ADCY5: variants seen among roughly 807,000 people sequenced by gnomAD.
ADCY5 encodes adenylate cyclase 5.
In ADCY5, 30 loss-of-function variants were observed where a neutral mutation model predicts 119.7. The ratio of observed to expected loss-of-function variants is 0.25; its 90% CI spans 0.19 to 0.34. The LOEUF (loss-of-function observed/expected upper bound fraction) is 0.34. Among genes scored for constraint, ADCY5 ranks in the 10% least tolerant of loss-of-function variants. The probability of loss-of-function intolerance (pLI) is 1.00; values close to 1 mark genes in which losing one functional copy is unlikely to be tolerated. For missense variants in ADCY5, 1,324 were observed against 1,775.2 expected (o/e 0.75, Z 4.57); for synonymous variants, 753 against 762.2 (o/e 0.99, Z 0.20).
chr3:123,331,745 T>G (rs1941773730), intron 4 of ADCY5, among the ~76,000 whole-genome samples: 1 of 150,172 alleles, frequency 6.7e-6, no homozygotes, highest in South Asian at 2.1e-4. Context: ...CAAGTGCCCT[T>G]GTGGCCTGGA....
intron 8 of ADCY5, among the ~76,000 whole-genome samples, chr3:123,323,227 G>A (rs1049731180): frequency 5.3e-5 from 8 of 151,762 alleles, no homozygotes; most frequent in African/African-American, 1.7e-4. Context: ...AGCGATGAAC[G>A]CTGTGGAGGA....
At chr3:123,287,576 G>A (rs1938863814) in intron 19 of ADCY5, among the ~76,000 whole-genome samples, 1 of 152,142 alleles carries the variant, frequency 6.6e-6, no homozygotes, top group Non-Finnish European at 1.5e-5. Context: ...TGTGTGAAGG[G>A]CAGGACTGAA....
intron 1 of ADCY5, chr3:123,367,944 C>G (rs192474617): frequency 2.7e-5 from 42 of 1,535,738 alleles, no homozygotes; most frequent in Admixed American, 1.4e-4. Flanking sequence ...CCATGTCTTC[C>G]GTGGGACAGG....
chr3:123,325,357 C>T lies in ADCY5; in HGVS notation c.2053G>A (p.Gly685Ser). ...GAERPFYNHL[G>S]GNQVSKEMKR... ...ATCTCCTTGGACACCTGGTTGCCAC[C>T]CAGGTGGTTGTAGAAGGGGCGCTCA... The change falls in exon 8 of 21, where the codon GGT becomes AGT. Residue 685 changes from glycine to serine, a missense_variant. By Grantham distance (56) the Gly-to-Ser change is moderately conservative. This residue lies in a region of ADCY5 where 424 missense variants were observed against 546.8 expected (regional missense o/e 0.78). Transcript: ENST00000462833. 1 of 1,614,114 alleles carries T rather than the reference C, an allele frequency of 6.2e-7. No individual in the cohort carries two copies.
chr3:123,380,263 T>C (rs2107555475), intron 1 of ADCY5, among the ~76,000 whole-genome samples: 1 of 152,296 alleles, frequency 6.6e-6, no homozygotes, highest in East Asian at 1.9e-4. Context: ...CCAGCTGTGG[T>C]GAACAGGCTT....
chr3:123,327,580 A>G, intron 7 of ADCY5, 38 bp downstream of exon 7: 1 of 1,591,778 alleles, frequency 6.3e-7, no homozygotes, highest in Non-Finnish European at 8.6e-7. Flanking sequence ...CCCTGGAGGA[A>G]GGGAGCCCCT....
chr3:123,425,733 A>G (rs117556120), intron 1 of ADCY5, among the ~76,000 whole-genome samples: 636 of 47,066 alleles, frequency 0.014, 4 homozygotes, highest in East Asian at 0.063. Context: ...CACTCACCCC[A>G]GGGAGCCCTG....
rs372095163 is a variant in ADCY5, at chr3:123,448,195, C to T, written c.351G>A (p.Arg117=). ...GGDDCGRGSR[R]QRRGAASGGS... is the part of the protein sequence containing the mutation. ...CCCCGCTGGCCGCGCCCCGCCGCTGCCGGCGGCTGCCGCGACCGCAGTCGT... is the reference window on the plus strand; with the variant it reads ...CCCCGCTGGCCGCGCCCCGCCGCTGTCGGCGGCTGCCGCGACCGCAGTCGT... The change falls in exon 1 of 21, where the codon CGG becomes CGA. Residue 117 remains arginine, a synonymous_variant. Transcript: ENST00000462833. 0.029 allele frequency: 36,459 copies of T among 1,235,926 alleles called. 617 individuals carry two copies. The highest frequency in any genetic ancestry group is 0.032 in the Non-Finnish European group (32,205 of 990,956). 76.6% of individuals were successfully genotyped at this position (1,235,926 alleles called of 1,614,324 possible).
At chr3:123,353,712 G>A (rs1220031999) in intron 1 of ADCY5, among the ~76,000 whole-genome samples, 1 of 152,166 alleles carries the variant, frequency 6.6e-6, no homozygotes, top group Non-Finnish European at 1.5e-5. Flanking sequence ...TCTTGCTGTG[G>A]GACGTCGGCT....
chr3:123,291,331 G>A lies in ADCY5; in HGVS notation c.3109C>T (p.Arg1037Trp), dbSNP rs375173379. Residue 1037 changes from arginine to tryptophan, a missense_variant, in exon 18 of 21, where the codon CGG (arginine) becomes TGG (tryptophan). Around this residue, in one of 6 missense-constraint regions of ADCY5, gnomAD observed 178 missense variants for 329.6 expected, o/e 0.54. Coordinates refer to ENST00000462833, the MANE Select transcript of ADCY5 (RefSeq NM_183357.3). ...EEMEELQAYN[R>W]RLLHNILPKD... is the part of the protein sequence containing the mutation. ...GGCAGGATGTTGTGCAGCAGCCGCCGGTTGTAGGCCTGCAGCTCCTCCATC... is the reference window on the plus strand; with the variant it reads ...GGCAGGATGTTGTGCAGCAGCCGCCAGTTGTAGGCCTGCAGCTCCTCCATC... 2.0e-5 allele frequency: 33 copies of A among 1,613,828 alleles called. No homozygotes were observed. Among genetic ancestry groups the A allele is most frequent in the African/African-American group, 8.0e-5 (6 of 74,940 alleles).
At chr3:123,399,660 G>A (rs1944701605) in intron 1 of ADCY5, among the ~76,000 whole-genome samples, 1 of 152,118 alleles carries the variant, frequency 6.6e-6, no homozygotes. Flanking sequence ...CTTGATGTCT[G>A]CTTCTTCGAT....
At chr3:123,327,255 A>G (rs1406104787) in intron 7 of ADCY5, among the ~76,000 whole-genome samples, 1 of 152,156 alleles carries the variant, frequency 6.6e-6, no homozygotes, top group Non-Finnish European at 1.5e-5. Flanking sequence ...TCAGAGAGAG[A>G]GAGATTAGGG....
intron 11 of ADCY5, among the ~76,000 whole-genome samples, chr3:123,314,526 T>G: frequency 6.6e-6 from 1 of 152,228 alleles, no homozygotes; most frequent in East Asian, 1.9e-4. Context: ...ACTGACTCCC[T>G]GAGTAGGGCT....
chr3:123,319,287 G>T (rs1417259520), intron 10 of ADCY5, among the ~76,000 whole-genome samples: 1 of 150,772 alleles, frequency 6.6e-6, no homozygotes, highest in African/African-American at 2.5e-5. Context: ...CTCGGGGGAG[G>T]AGGTTGCAGT....
At position 123,345,769 on chromosome 3, in the gene ADCY5, G is replaced by GACACACACACAC. The variant is rs56185421; in HGVS notation, c.1406+2001_1406+2012dup. On this transcript the variant is annotated intron_variant, in intron 3 of 20. Coordinates refer to ENST00000462833, the MANE Select transcript of ADCY5 (RefSeq NM_183357.3). Reference sequence around the variant, plus strand: ...AGACAGACAGACAGACAGACAGACAGACACACACACACACACACACACACA... The same window carrying GACACACACACAC: ...AGACAGACAGACAGACAGACAGACAGACACACACACACACACACACACACACACACACACACA... 8.6e-4 allele frequency among the ~76,000 whole-genome samples: 98 copies of GACACACACACAC among 113,822 alleles called. 1 individual carries two copies. Among genetic ancestry groups the GACACACACACAC allele is most frequent in the South Asian group, 6.2e-3 (18 of 2,922 alleles). 74.7% of individuals were successfully genotyped at this position (113,822 alleles called of 152,430 possible).
Position 123,352,481 on chromosome 3 carries a change from CG to C in ADCY5, c.1234del (p.Arg412GlufsTer33). 1 of 1,613,934 alleles carries C rather than the reference CG, an allele frequency of 6.2e-7. No individual in the cohort carries two copies. The highest frequency in any genetic ancestry group is 8.5e-7 in the Non-Finnish European group (1 of 1,179,968). ...GTGGAGCCGCGCCTGGATGCACTCT[CG>C]GGTCTCCTGGAAAGCCTGTCTCTGG... is the stretch of plus-strand genomic sequence containing the variant. ...VSQRQAFQET[R>X]ECIQARLHSQ... On this transcript the variant is annotated frameshift_variant, in exon 2 of 21. Transcript: ENST00000462833. LOFTEE classifies it high-confidence loss of function. This position sits in a 1 kb window ranked among gnomAD's most constrained non-coding sequence, Gnocchi z 4.8.
rs62265773 is a variant in ADCY5 at position 123,383,077 on chromosome 3, C to T, written c.1135-30496G>A. On this transcript the variant is annotated intron_variant, in intron 1 of 20. Coordinates refer to ENST00000462833, the MANE Select transcript of ADCY5 (RefSeq NM_183357.3). ...CCCATGGCCACCCCAGGGCCCCGAGCCTTGCTAACAGGTGACCCCTGACCA... is the reference window on the plus strand; with the variant it reads ...CCCATGGCCACCCCAGGGCCCCGAGTCTTGCTAACAGGTGACCCCTGACCA... Among the ~76,000 whole-genome samples, 411 of 152,080 alleles carry T rather than the reference C, an allele frequency of 2.7e-3. 1 individual carries two copies. Among genetic ancestry groups the T allele is most frequent in the Non-Finnish European group, 4.7e-3 (317 of 67,950 alleles).
intron 1 of ADCY5, among the ~76,000 whole-genome samples, chr3:123,406,744 C>T (rs1056903092): frequency 6.6e-6 from 1 of 152,138 alleles, no homozygotes; most frequent in Non-Finnish European, 1.5e-5. Context: ...CTTGGCCGAC[C>T]GGGGTTGAGC....
chr3:123,331,052 T>C (rs756791481), intron 4 of ADCY5, 36 bp from the exon 5 acceptor site: 5 of 1,587,942 alleles, frequency 3.1e-6, no homozygotes, highest in South Asian at 1.1e-5. Flanking sequence ...TTAAAAATAG[T>C]AGGAAAGAGA....
Sources: allele counts gnomAD v4.1 joint callset (sites outside exome capture counted in the v4.1 genomes callset), GRCh38; gene constraint gnomAD v4.1.1; regional missense constraint gnomAD v4.1.1; non-coding constraint Gnocchi (gnomAD v3.1); transcripts MANE v1.5; gene names NCBI Gene and HGNC (gene_info 2026-07-23, HGNC 2026-07-21).